Variants in CDH18 observed in about 807,000 individuals in gnomAD.
The protein encoded by CDH18 is cadherin 18.
In CDH18, 31 loss-of-function variants were observed where a neutral mutation model predicts 67.9. That is an observed-to-expected ratio of 0.46 (90% CI 0.34 to 0.62). CDH18 has a LOEUF of 0.62. Ranked by LOEUF, CDH18 falls within the 20% of genes least tolerant of loss-of-function variation. The probability of loss-of-function intolerance (pLI) is 0.01; values close to 1 mark genes in which losing one functional copy is unlikely to be tolerated. For missense variants in CDH18, 890 were observed against 975.5 expected (o/e 0.91, Z 1.17); for synonymous variants, 362 against 347.2 (o/e 1.04, Z -0.48).
chr5:19,843,137 A>G (rs1042733250), intron 2 of CDH18, among the ~76,000 whole-genome samples: 1 of 152,210 alleles, frequency 6.6e-6, no homozygotes, highest in African/African-American at 2.4e-5. Flanking sequence ...ATTCACCAAG[A>G]CAATGGAGAA....
At chr5:20,489,756 C>T (rs1384403124) in intron 1 of CDH18, among the ~76,000 whole-genome samples, 2 of 151,788 alleles carry the variant, frequency 1.3e-5, no homozygotes, top group Non-Finnish European at 2.9e-5. Context: ...AATTTCATGG[C>T]AATTGTTTTC....
intron 2 of CDH18, among the ~76,000 whole-genome samples, chr5:20,176,056 C>T (rs1331442369): frequency 3.3e-5 from 5 of 152,102 alleles, no homozygotes; most frequent in African/African-American, 1.2e-4. Context: ...ATCTTTTTCC[C>T]CCAACAACCC....
chr5:20,203,945 A>C (rs762930388), intron 2 of CDH18, among the ~76,000 whole-genome samples: 29 of 152,030 alleles, frequency 1.9e-4, no homozygotes, highest in Non-Finnish European at 2.6e-4. Flanking sequence ...TTGAAAACAC[A>C]ATCAGAGGAG....
chr5:19,805,132 A>G (rs1367579247), intron 3 of CDH18, among the ~76,000 whole-genome samples: 1 of 151,902 alleles, frequency 6.6e-6, no homozygotes. Context: ...TTTATTGAGG[A>G]GATGGGATTT....
intron 2 of CDH18, among the ~76,000 whole-genome samples, chr5:19,871,245 C>T (rs183540036): frequency 6.6e-6 from 1 of 152,264 alleles, no homozygotes; most frequent in East Asian, 1.9e-4. Context: ...GAATTTAAGG[C>T]ACTGCCTGTC....
intron 6 of CDH18, among the ~76,000 whole-genome samples, chr5:19,596,808 C>T (rs914194892): frequency 6.6e-6 from 1 of 152,100 alleles, no homozygotes; most frequent in African/African-American, 2.4e-5. Context: ...TCACTATGTC[C>T]CATTAAACAA....
intron 2 of CDH18, among the ~76,000 whole-genome samples, chr5:19,948,942 T>C: frequency 6.6e-6 from 1 of 152,188 alleles, no homozygotes; most frequent in East Asian, 1.9e-4. Context: ...TATACTGAAG[T>C]AGCCAAGACT....
intron 1 of CDH18, among the ~76,000 whole-genome samples, chr5:20,348,162 A>T (rs1229434031): frequency 6.6e-6 from 1 of 152,208 alleles, no homozygotes; most frequent in African/African-American, 2.4e-5. Flanking sequence ...GGCTATGAGT[A>T]AATTAGACAA....
intron 3 of CDH18, among the ~76,000 whole-genome samples, chr5:19,772,234 T>C (rs943562418): frequency 1.3e-5 from 2 of 152,184 alleles, no homozygotes; most frequent in Non-Finnish European, 2.9e-5. Context: ...CATGTCTTAA[T>C]CTACAGAACT....
At chr5:19,650,920 C>A (rs1194190025) in intron 5 of CDH18, among the ~76,000 whole-genome samples, 1 of 151,834 alleles carries the variant, frequency 6.6e-6, no homozygotes, top group East Asian at 1.9e-4. Context: ...TAGTATAGAA[C>A]TTATCTTAAA....
At chr5:20,179,871 G>C (rs892642314) in intron 2 of CDH18, among the ~76,000 whole-genome samples, 4 of 152,116 alleles carry the variant, frequency 2.6e-5, no homozygotes, top group African/African-American at 9.7e-5. Flanking sequence ...GGTTCTGGCA[G>C]CCTGAGGGCA....
chr5:20,519,369 G>A (rs1008668156), intron 1 of CDH18, among the ~76,000 whole-genome samples: 2 of 151,960 alleles, frequency 1.3e-5, no homozygotes, highest in Non-Finnish European at 2.9e-5. Context: ...CTATCGCAAG[G>A]ACAAAAAACC....
chr5:19,901,188 A>G (rs1433140273), intron 2 of CDH18, among the ~76,000 whole-genome samples: 1 of 152,116 alleles, frequency 6.6e-6, no homozygotes, highest in Non-Finnish European at 1.5e-5. Flanking sequence ...TACTTTAAAT[A>G]TAAATCAATG....
At chr5:20,462,224 G>T (rs1751313667) in intron 1 of CDH18, among the ~76,000 whole-genome samples, 1 of 152,158 alleles carries the variant, frequency 6.6e-6, no homozygotes, top group African/African-American at 2.4e-5. Flanking sequence ...CAAGGATGGA[G>T]CCAGAAGTCA....
At chr5:20,455,501 C>A (rs1044479717) in intron 1 of CDH18, among the ~76,000 whole-genome samples, 2 of 152,034 alleles carry the variant, frequency 1.3e-5, no homozygotes, top group East Asian at 3.9e-4. Flanking sequence ...AACACACAAG[C>A]CTAAATCCTT....
At chr5:19,596,991 A>G (rs1232033985) in intron 6 of CDH18, among the ~76,000 whole-genome samples, 1 of 152,180 alleles carries the variant, frequency 6.6e-6, no homozygotes, top group Non-Finnish European at 1.5e-5. Flanking sequence ...GGCTAGATAT[A>G]GTGGCTCACT....
intron 3 of CDH18, among the ~76,000 whole-genome samples, chr5:19,810,076 T>C (rs963589498): frequency 6.6e-6 from 1 of 152,166 alleles, no homozygotes; most frequent in South Asian, 2.1e-4. Flanking sequence ...CTGCCTGTAA[T>C]CCCAGCACTT....
intron 6 of CDH18, among the ~76,000 whole-genome samples, chr5:19,592,234 A>G (rs1745268054): frequency 6.6e-6 from 1 of 152,020 alleles, no homozygotes; most frequent in East Asian, 1.9e-4. Flanking sequence ...TAACAATTTT[A>G]AAGCACTGTT....
chr5:20,002,057 A>G (rs1254842857), intron 2 of CDH18, among the ~76,000 whole-genome samples: 1 of 152,200 alleles, frequency 6.6e-6, no homozygotes, highest in Non-Finnish European at 1.5e-5. Context: ...GCTCATTGTT[A>G]CAAACTAGTC....
Sources: allele counts gnomAD v4.1 joint callset (sites outside exome capture counted in the v4.1 genomes callset), GRCh38; gene constraint gnomAD v4.1.1; transcripts MANE v1.5; gene names NCBI Gene and HGNC (gene_info 2026-07-23, HGNC 2026-07-21).